Variants in ZC3H13 observed in about 807,000 individuals in gnomAD.
ZC3H13 encodes the protein zinc finger CCCH-type containing 13, also known as zinc finger CCCH domain-containing protein 13.
ZC3H13 carries 64 observed loss-of-function variants against 204.1 expected under a neutral mutation model. The ratio of observed to expected loss-of-function variants is 0.31; its 90% CI spans 0.26 to 0.39. The LOEUF is 0.39. Among genes scored for constraint, ZC3H13 ranks in the 10% least tolerant of loss-of-function variants. The pLI is 1.00. For missense variants in ZC3H13, 1,833 were observed against 2,082.7 expected (o/e 0.88, Z 2.33); for synonymous variants, 667 against 693.7 (o/e 0.96, Z 0.60).
intron 12 of ZC3H13, among the ~76,000 whole-genome samples, chr13:45,973,974 T>A (rs575791937): frequency 1.3e-5 from 2 of 152,328 alleles, no homozygotes; most frequent in East Asian, 3.9e-4. Context: ...ACTTCTGTGC[T>A]GTGTTGTTTG....
chr13:45,996,615 T>C (rs1035741074), intron 8 of ZC3H13, among the ~76,000 whole-genome samples: 1 of 152,204 alleles, frequency 6.6e-6, no homozygotes, highest in African/African-American at 2.4e-5. Flanking sequence ...GCTGATCACT[T>C]TGTAGCCATC....
At chr13:46,046,693 T>G (rs908902873) in intron 1 of ZC3H13, among the ~76,000 whole-genome samples, 1 of 151,310 alleles carries the variant, frequency 6.6e-6, no homozygotes, top group South Asian at 2.1e-4. Context: ...ACTCTCTCTA[T>G]ATATATATAT....
intron 9 of ZC3H13, among the ~76,000 whole-genome samples, chr13:45,987,732 G>A (rs1009495494): frequency 6.6e-6 from 1 of 152,154 alleles, no homozygotes; most frequent in African/African-American, 2.4e-5. Flanking sequence ...GGCGCTTAAA[G>A]TGCATATTAA....
chr13:45,967,220 T>C lies in ZC3H13; in HGVS notation c.4321+284A>G, dbSNP rs1036729439. On this transcript the variant is annotated intron_variant, in intron 15 of 18. Coordinates refer to ENST00000679008, the MANE Select transcript of ZC3H13 (RefSeq NM_001330564.2). The stretch of plus-strand genomic sequence containing the variant: ...ATCTAAGAAAAGGATGTGATGGTTA[T>C]TCTTCAACATCTATACACACTGCAT... 5.3e-5 allele frequency among the ~76,000 whole-genome samples: 8 copies of C among 152,358 alleles called. No individual in the cohort carries two copies. The East Asian group carries it at 1.5e-3, about 29-fold the overall frequency.
Position 45,969,387 on chromosome 13 carries a change from G to C in ZC3H13, c.3157C>G (p.Leu1053Val). The C allele has an allele frequency of 1.2e-6, 2 of 1,614,084 alleles. No homozygotes were observed. The highest frequency in any genetic ancestry group is 1.1e-5 in the South Asian group (1 of 91,078). The change falls in exon 14 of 19, where the codon CTA becomes GTA. Residue 1053 changes from leucine (L) to valine (V), a missense_variant. Transcript: ENST00000679008. ...VEMCNGKNGILEDSQKKEDTA... is the reference protein window; with the variant it reads ...VEMCNGKNGIVEDSQKKEDTA... ...TCTTCTTTTTTCTGGGAGTCCTCTA[G>C]AATACCATTCTTACCATTGCACATT...
At chr13:46,046,377 G>T (rs1044622042) in intron 1 of ZC3H13, among the ~76,000 whole-genome samples, 1 of 151,540 alleles carries the variant, frequency 6.6e-6, no homozygotes. Flanking sequence ...ATTTTTTAAG[G>T]GCCAGGCACA....
At chr13:46,042,769 G>T (rs2043678697) in intron 3 of ZC3H13, among the ~76,000 whole-genome samples, 1 of 151,950 alleles carries the variant, frequency 6.6e-6, no homozygotes, top group Non-Finnish European at 1.5e-5. Context: ...GTATACACAT[G>T]CCTGTGGTTG....
intron 8 of ZC3H13, among the ~76,000 whole-genome samples, chr13:45,998,525 T>C (rs2040504669): frequency 6.6e-6 from 1 of 151,584 alleles, no homozygotes; most frequent in East Asian, 1.9e-4. Flanking sequence ...GGTGGGCGCC[T>C]GTAGTCCCAG....
intron 4 of ZC3H13, among the ~76,000 whole-genome samples, chr13:46,025,585 C>T (rs2042496330): frequency 6.6e-6 from 1 of 152,200 alleles, no homozygotes; most frequent in Non-Finnish European, 1.5e-5. Flanking sequence ...ACAGGGATTA[C>T]AGGCGTGATC....
Position 45,968,808 on chromosome 13 carries a change from C to T in ZC3H13, c.3736G>A (p.Glu1246Lys). The T allele has an allele frequency of 3.7e-6, 6 of 1,613,688 alleles. No individual in the cohort carries two copies. Among genetic ancestry groups the T allele is most frequent in the Non-Finnish European group, 5.1e-6 (6 of 1,179,892 alleles). ...EKTKSLEITG[E>K]RKSRIDQLKR... is the part of the protein sequence containing the mutation. ...AACTGATCAATCCTAGATTTTCTCT[C>T]TCCTGTGATTTCCAGGCTTTTTGTT... Residue 1246 changes from glutamate (E) to lysine (K), a missense_variant, in exon 14 of 19, where the codon GAG becomes AAG. By Grantham distance (56) the Glu-to-Lys change is moderately conservative. Coordinates refer to ENST00000679008, the MANE Select transcript of ZC3H13 (RefSeq NM_001330564.2).
chr13:45,971,838 A>G (rs992940904), intron 12 of ZC3H13, among the ~76,000 whole-genome samples: 1 of 152,206 alleles, frequency 6.6e-6, no homozygotes, highest in African/African-American at 2.4e-5. Flanking sequence ...AAAAGTGGAT[A>G]AAGGACACGA....
chr13:46,026,770 C>A (rs993549799), intron 4 of ZC3H13, among the ~76,000 whole-genome samples: 1 of 152,012 alleles, frequency 6.6e-6, no homozygotes, highest in Non-Finnish European at 1.5e-5. Flanking sequence ...CATAGTTTGA[C>A]ATATGAGATT....
chr13:45,964,661 T>C (rs1951941999), intron 16 of ZC3H13, among the ~76,000 whole-genome samples: 6 of 152,182 alleles, frequency 3.9e-5, no homozygotes, highest in Admixed American at 3.9e-4. Context: ...AAAAATTTCA[T>C]ATTTTATATA....
At chr13:46,009,737 C>T (rs1040199333) in intron 7 of ZC3H13, among the ~76,000 whole-genome samples, 5 of 152,014 alleles carry the variant, frequency 3.3e-5, no homozygotes, top group African/African-American at 1.2e-4. Flanking sequence ...TCTATTTTTA[C>T]TTCTTCAACT....
intron 7 of ZC3H13, among the ~76,000 whole-genome samples, chr13:46,005,922 C>T (rs540832627): frequency 9.3e-4 from 141 of 152,098 alleles, no homozygotes; most frequent in African/African-American, 3.3e-3. Context: ...TGGTGAAACC[C>T]CGCCTCTACT....
In ZC3H13 at chr13:45,967,518, G is replaced by A; in HGVS notation, c.4307C>T (p.Thr1436Ile). The A allele has an allele frequency of 6.4e-7, 1 of 1,555,142 alleles. No individual in the cohort carries two copies. The highest frequency in any genetic ancestry group is 8.7e-7 in the Non-Finnish European group (1 of 1,154,918). Residue 1436 changes from threonine to isoleucine, a missense_variant, in exon 15 of 19, where the codon ACT becomes ATT. By Grantham distance (89) the Thr-to-Ile change is moderately conservative. This residue lies in a region of ZC3H13 where 1,574 missense variants were observed against 1,757.2 expected (regional missense o/e 0.90). Transcript: ENST00000679008. ...GFEETNKSER[T>I]ESLEAGDDES... ...GTAGCACTCACCTTCCAGACTCTCA[G>A]TTCTCTCGGATTTATTTGTTTCTTC...
At position 45,980,024 on chromosome 13, in the gene ZC3H13, A is replaced by T. The variant is rs781429898; in HGVS notation, c.1721-20T>A. The T allele has an allele frequency of 1.9e-6, 3 of 1,572,026 alleles. No individual in the cohort carries two copies. Among genetic ancestry groups the T allele is most frequent in the Non-Finnish European group, 2.6e-6 (3 of 1,163,714 alleles). On this transcript the variant is annotated intron_variant, in intron 10 of 18. Coordinates refer to ENST00000679008, the MANE Select transcript of ZC3H13 (RefSeq NM_001330564.2). ...GACTTCCTAAACAAAGGATAGACACACAAATGTTTACCACATACACTTTAT... is the reference window on the plus strand; with the variant it reads ...GACTTCCTAAACAAAGGATAGACACTCAAATGTTTACCACATACACTTTAT...
intron 10 of ZC3H13, 133 bp downstream of exon 10, chr13:45,985,164 G>T: frequency 1.0e-6 from 1 of 976,542 alleles, no homozygotes; most frequent in Non-Finnish European, 1.5e-6. Flanking sequence ...TTATAAGGAA[G>T]ACTACAAGTT....
In ZC3H13 at chr13:45,985,734, T is replaced by C; in HGVS notation, c.1283A>G (p.Lys428Arg). The C allele has an allele frequency of 6.2e-7, 1 of 1,610,782 alleles. No homozygotes were observed. Among genetic ancestry groups the C allele is most frequent in the Non-Finnish European group, 8.5e-7 (1 of 1,178,944 alleles). The change falls in exon 10 of 19, where the codon AAG becomes AGG. Residue 428 changes from lysine to arginine, a missense_variant. Physicochemically the swap from Lys to Arg is conservative, Grantham distance 26 (BLOSUM62 2). This residue lies in a region of ZC3H13 where 1,574 missense variants were observed against 1,757.2 expected (regional missense o/e 0.90). Coordinates refer to ENST00000679008, the MANE Select transcript of ZC3H13 (RefSeq NM_001330564.2). ...ATATTCTCGTTCTTCTCTTGAGTCC[T>C]TTTCTCTGTCTCGTTTGCCCCTAGT... is the stretch of plus-strand genomic sequence containing the variant. ...EDTRGKRDRE[K>R]DSREEREYEQ...
Sources: allele counts gnomAD v4.1 joint callset (sites outside exome capture counted in the v4.1 genomes callset), GRCh38; gene constraint gnomAD v4.1.1; regional missense constraint gnomAD v4.1.1; transcripts MANE v1.5; gene names NCBI Gene and HGNC (gene_info 2026-07-23, HGNC 2026-07-21).